Variants in SORCS1 observed in about 807,000 individuals in gnomAD.
SORCS1 encodes the protein sortilin related VPS10 domain containing receptor 1, also known as VPS10 domain-containing receptor SorCS1.
A neutral mutation model predicts 146.1 loss-of-function variants in SORCS1; 60 were observed. The observed-to-expected ratio is 0.41, with a 90% CI of 0.33 to 0.51. The LOEUF (loss-of-function observed/expected upper bound fraction) is 0.51, where lower values mean the gene tolerates loss of function less well. Ranked by LOEUF, SORCS1 falls within the 20% of genes least tolerant of loss-of-function variation. SORCS1 has a pLI of 0.21. For missense variants in SORCS1, 1,352 were observed against 1,487.6 expected (o/e 0.91, Z 1.50); for synonymous variants, 637 against 584.0 (o/e 1.09, Z -1.31).
intron 3 of SORCS1, among the ~76,000 whole-genome samples, chr10:106,809,410 A>G (rs745721244): frequency 2.4e-4 from 36 of 152,102 alleles, no homozygotes; most frequent in Non-Finnish European, 4.4e-4. Context: ...TCCAATCTGT[A>G]CTGGGCTCCC....
chr10:106,636,018 C>A (rs1848702551), intron 18 of SORCS1, among the ~76,000 whole-genome samples: 1 of 152,116 alleles, frequency 6.6e-6, no homozygotes, highest in African/African-American at 2.4e-5. Flanking sequence ...GTTCAACGTA[C>A]CCTGGCGTGC....
chr10:106,822,782 G>GTTTTTTTTTTTTTTTTTTTTTT (rs1158921880), intron 3 of SORCS1, among the ~76,000 whole-genome samples: 4 of 113,152 alleles, frequency 3.5e-5, no homozygotes, highest in African/African-American at 1.1e-4. Flanking sequence ...TTCATGTGTG[G>GTTTTTTTTTTTTTTTTTTTTTT]TTTTTTTTTT....
intron 9 of SORCS1, 109 bp from the exon 10 acceptor site, chr10:106,688,447 G>A: frequency 7.8e-7 from 1 of 1,275,314 alleles, no homozygotes; most frequent in Non-Finnish European, 1.1e-6. Context: ...ACTTGCCTTG[G>A]AGGAAAGAAA....
intron 2 of SORCS1, among the ~76,000 whole-genome samples, chr10:106,833,394 G>A (rs936373187): frequency 5.3e-5 from 8 of 152,178 alleles, no homozygotes; most frequent in East Asian, 3.8e-4. Flanking sequence ...GTGTCCCAAA[G>A]AACTGGAATT....
intron 17 of SORCS1, among the ~76,000 whole-genome samples, chr10:106,662,724 G>C (rs1287690769): frequency 1.3e-5 from 2 of 152,106 alleles, no homozygotes; most frequent in Non-Finnish European, 2.9e-5. Context: ...CCTTCCCCAG[G>C]ATCATTTCTT....
At chr10:106,923,442 T>G (rs1176209760) in intron 2 of SORCS1, among the ~76,000 whole-genome samples, 1 of 152,244 alleles carries the variant, frequency 6.6e-6, no homozygotes, top group Non-Finnish European at 1.5e-5. Context: ...ATGAACTTTG[T>G]GTGAATATAT....
At chr10:106,840,725 T>G (rs549755731) in intron 2 of SORCS1, among the ~76,000 whole-genome samples, 1 of 151,874 alleles carries the variant, frequency 6.6e-6, no homozygotes, top group African/African-American at 2.4e-5. Context: ...TATTTTATTT[T>G]AAGAAATTGC....
intron 2 of SORCS1, among the ~76,000 whole-genome samples, chr10:106,866,590 G>A (rs1225126331): frequency 2.0e-5 from 3 of 152,168 alleles, no homozygotes; most frequent in Non-Finnish European, 4.4e-5. Context: ...GAACTCAAGG[G>A]GGAGAAAAGC....
At position 106,831,209 on chromosome 10, in the gene SORCS1, AT is replaced by A. The variant is rs199595043; in HGVS notation, c.627-1537del. ...AGAGCAAGACTCCATCTCAAAAAAA[AT>A]AAATAAATAAATAAAAAGGACATAG... On this transcript the variant is annotated intron_variant, in intron 2 of 25. Coordinates refer to ENST00000263054, the MANE Select transcript of SORCS1 (RefSeq NM_052918.5). Among the ~76,000 whole-genome samples the A allele has an allele frequency of 5.2e-3, 789 of 152,214 alleles. 6 individuals are homozygous for A. Among genetic ancestry groups the A allele is most frequent in the African/African-American group, 0.018 (727 of 41,520 alleles).
intron 23 of SORCS1, among the ~76,000 whole-genome samples, chr10:106,599,297 G>C (rs557125399): frequency 6.6e-6 from 1 of 151,894 alleles, no homozygotes; most frequent in East Asian, 1.9e-4. Flanking sequence ...GAACCCAGAA[G>C]GCAGACGTTG....
intron 1 of SORCS1, among the ~76,000 whole-genome samples, chr10:107,113,408 G>A (rs962515676): frequency 1.3e-5 from 2 of 152,040 alleles, no homozygotes; most frequent in Non-Finnish European, 1.5e-5. Flanking sequence ...GAAGAAAAAG[G>A]CCAGGCGCGG....
At position 106,610,621 on chromosome 10, in the gene SORCS1, A is replaced by C. The variant is rs193291865; in HGVS notation, c.3033+1290T>G. Among the ~76,000 whole-genome samples, 1,149 of 152,226 alleles carry C rather than the reference A, an allele frequency of 7.5e-3. 34 individuals carry two copies. The highest frequency in any genetic ancestry group is 0.018 in the East Asian group (93 of 5,156). On this transcript the variant is annotated intron_variant, in intron 22 of 25. Coordinates refer to ENST00000263054, the MANE Select transcript of SORCS1 (RefSeq NM_052918.5). ...TCATCTTTTTGTGTCCTGTGGCACCATGTGTTGGAAGCAGGAAAGAATGTT... is the reference window on the plus strand; with the variant it reads ...TCATCTTTTTGTGTCCTGTGGCACCCTGTGTTGGAAGCAGGAAAGAATGTT...
At chr10:106,702,041 C>T (rs1454789844) in intron 8 of SORCS1, among the ~76,000 whole-genome samples, 4 of 152,182 alleles carry the variant, frequency 2.6e-5, no homozygotes, top group African/African-American at 7.2e-5. Flanking sequence ...GAAAGTGGTT[C>T]ACCCAAGTGT....
intron 24 of SORCS1, among the ~76,000 whole-genome samples, chr10:106,589,444 A>C (rs1309521466): frequency 6.6e-6 from 1 of 152,204 alleles, no homozygotes; most frequent in Non-Finnish European, 1.5e-5. Context: ...ACAAAGATAC[A>C]GGGTTTGATA....
At chr10:106,869,197 A>G (rs1950321269) in intron 2 of SORCS1, among the ~76,000 whole-genome samples, 1 of 152,146 alleles carries the variant, frequency 6.6e-6, no homozygotes, top group Non-Finnish European at 1.5e-5. Flanking sequence ...AATCAGCAAT[A>G]AACAGTCTAC....
intron 1 of SORCS1, among the ~76,000 whole-genome samples, chr10:107,072,608 C>CATAT (rs139983944): frequency 2.6e-5 from 4 of 151,400 alleles, no homozygotes; most frequent in African/African-American, 9.7e-5. Context: ...CATACATACA[C>CATAT]ATATATATAT....
At position 106,752,050 on chromosome 10, in the gene SORCS1, T is replaced by C. The variant is rs568848018; in HGVS notation, c.959+9538A>G. The stretch of plus-strand genomic sequence containing the variant: ...TTTTAATGCTAAAAATAAGACTTTG[T>C]AGCAGGAAATTGAAGCTTGGGCAGG... On this transcript the variant is annotated intron_variant, in intron 5 of 25. Coordinates refer to ENST00000263054, the MANE Select transcript of SORCS1 (RefSeq NM_052918.5). 5.3e-5 allele frequency among the ~76,000 whole-genome samples: 8 copies of C among 152,334 alleles called. No homozygotes were observed. In the East Asian group the frequency reaches 1.3e-3, roughly 26 times the overall value.
chr10:106,611,827 T>TTTC lies in SORCS1; in HGVS notation c.3033+83_3033+84insGAA. The TTTC allele has an allele frequency of 4.6e-6, 5 of 1,097,882 alleles. No homozygotes were observed. In the South Asian group the frequency reaches 5.4e-5, roughly 12 times the overall value. 68.0% of individuals were successfully genotyped at this position (1,097,882 alleles called of 1,614,324 possible). A position where few individuals can be genotyped will look rare whatever the true frequency, so the allele number is the denominator to read the frequency against. On this transcript the variant is annotated intron_variant, in intron 22 of 25. Transcript: ENST00000263054. ...CCTGCTGGGTTAGTTTGTTTGTTTT[T>TTTC]GTACAAAGCTCCCCTTTCTGTGAAA... is the stretch of plus-strand genomic sequence containing the variant.
At chr10:107,015,549 A>G (rs183080033) in intron 1 of SORCS1, among the ~76,000 whole-genome samples, 37 of 152,338 alleles carry the variant, frequency 2.4e-4, no homozygotes, top group African/African-American at 8.9e-4. Context: ...ACAGTTCTGG[A>G]ATCAAAATAC....
Sources: allele counts gnomAD v4.1 joint callset (sites outside exome capture counted in the v4.1 genomes callset), GRCh38; gene constraint gnomAD v4.1.1; transcripts MANE v1.5; gene names NCBI Gene and HGNC (gene_info 2026-07-23, HGNC 2026-07-21).